NFIA: variants seen among roughly 807,000 people sequenced by gnomAD.
NFIA encodes the protein nuclear factor 1 A-type.
NFIA carries 8 observed loss-of-function variants against 62.8 expected under a neutral mutation model. That is an observed-to-expected ratio of 0.13 (90% CI 0.07 to 0.23). NFIA has a LOEUF of 0.23. Ranked by LOEUF, NFIA falls within the 10% of genes least tolerant of loss-of-function variation. The pLI, the probability that NFIA is intolerant of heterozygous loss-of-function variation, is 1.00. For synonymous variants in NFIA, 235 were observed against 238.1 expected (o/e 0.99, Z 0.12); for missense variants, 410 against 642.1 (o/e 0.64, Z 3.91).
intron 6 of NFIA, among the ~76,000 whole-genome samples, chr1:61,365,917 A>G (rs1048544193): frequency 8.5e-5 from 13 of 152,324 alleles, no homozygotes; most frequent in African/African-American, 3.1e-4. Flanking sequence ...TTGAAAGCAG[A>G]CAGGGTTAAG....
At chr1:61,214,438 G>C (rs1055363981) in intron 2 of NFIA, among the ~76,000 whole-genome samples, 3 of 152,110 alleles carry the variant, frequency 2.0e-5, no homozygotes, top group African/African-American at 7.2e-5. Flanking sequence ...GCTGATGGAA[G>C]TTAAAAGTTG....
At chr1:61,110,479 A>G (rs1646677373) in intron 2 of NFIA, among the ~76,000 whole-genome samples, 1 of 151,968 alleles carries the variant, frequency 6.6e-6, no homozygotes, top group African/African-American at 2.4e-5. Context: ...ATATACACAC[A>G]CACGTATCAG....
chr1:61,112,661 A>G (rs1051418183), intron 2 of NFIA, among the ~76,000 whole-genome samples: 2 of 152,212 alleles, frequency 1.3e-5, no homozygotes, highest in African/African-American at 2.4e-5. Flanking sequence ...TTTAATGGCC[A>G]CCCAATTGCC....
intron 2 of NFIA, among the ~76,000 whole-genome samples, chr1:61,186,715 T>C (rs1481186044): frequency 6.6e-6 from 1 of 152,206 alleles, no homozygotes; most frequent in Non-Finnish European, 1.5e-5. Context: ...AATAATAAAA[T>C]AATAGCAACG....
intron 10 of NFIA, among the ~76,000 whole-genome samples, chr1:61,439,816 G>A (rs553014809): frequency 1.3e-5 from 2 of 152,340 alleles, no homozygotes; most frequent in East Asian, 3.9e-4. Flanking sequence ...AATAGACTTA[G>A]TGGAGGCCAG....
chr1:61,222,398 A>G (rs1319688054), intron 2 of NFIA, among the ~76,000 whole-genome samples: 2 of 152,080 alleles, frequency 1.3e-5, no homozygotes, highest in African/African-American at 2.4e-5. Flanking sequence ...CCTCATTAGC[A>G]TATTTTCAAC....
intron 3 of NFIA, among the ~76,000 whole-genome samples, chr1:61,328,233 T>C (rs1458106000): frequency 6.6e-6 from 1 of 152,114 alleles, no homozygotes; most frequent in Non-Finnish European, 1.5e-5. Context: ...TTTGTCTCAG[T>C]GTCTCCAACA....
At chr1:61,431,312 A>G (rs1667088806) in intron 10 of NFIA, among the ~76,000 whole-genome samples, 1 of 152,252 alleles carries the variant, frequency 6.6e-6, no homozygotes, top group Non-Finnish European at 1.5e-5. Context: ...CAAAGAACTC[A>G]TTTTGATACA....
rs1174337731 is a variant in NFIA, at chr1:61,462,386, C to G, written c.*7066C>G. ...ATGGAAATCTGTCCACTCGGAATAC[C>G]TCTGTTTTCCATTTCAAATTGTAGG... On this transcript the variant is annotated 3_prime_UTR_variant, in exon 11 of 11. Transcript: ENST00000403491. The G allele has an allele frequency of 6.6e-6, 1 of 152,216 alleles. No individual in the cohort carries two copies. The allele number at this position is 152,216 out of a possible 1,614,324, so 9.4% of individuals were successfully genotyped here. A position where few individuals can be genotyped will look rare whatever the true frequency, so the allele number is the denominator to read the frequency against.
At chr1:61,255,967 A>G (rs1274481371) in intron 2 of NFIA, among the ~76,000 whole-genome samples, 2 of 152,166 alleles carry the variant, frequency 1.3e-5, no homozygotes, top group Non-Finnish European at 2.9e-5. Context: ...GCTCACTAGG[A>G]AGTATTTCTA....
intron 2 of NFIA, among the ~76,000 whole-genome samples, chr1:61,231,151 A>G (rs1056266277): frequency 7.9e-5 from 12 of 152,262 alleles, no homozygotes; most frequent in African/African-American, 2.6e-4. Flanking sequence ...ATTTTTAACA[A>G]ATTTGATACT....
intron 3 of NFIA, among the ~76,000 whole-genome samples, chr1:61,327,375 C>T (rs1661003723): frequency 1.3e-5 from 2 of 151,666 alleles, no homozygotes; most frequent in African/African-American, 4.8e-5. Flanking sequence ...AACTTGTACC[C>T]AATATGTAGG....
chr1:61,229,046 C>T (rs912844796), intron 2 of NFIA, among the ~76,000 whole-genome samples: 2 of 151,328 alleles, frequency 1.3e-5, no homozygotes, highest in Admixed American at 1.3e-4. Context: ...AAAAAATACA[C>T]AAATTATTGT....
intron 4 of NFIA, among the ~76,000 whole-genome samples, chr1:61,335,714 C>T (rs1297102035): frequency 6.6e-6 from 1 of 151,882 alleles, no homozygotes; most frequent in Non-Finnish European, 1.5e-5. Flanking sequence ...TGGTGTCGGG[C>T]GCCTGTAATC....
intron 10 of NFIA, among the ~76,000 whole-genome samples, chr1:61,435,947 T>C (rs1288401521): frequency 6.6e-6 from 1 of 152,134 alleles, no homozygotes; most frequent in East Asian, 1.9e-4. Context: ...ACACTCCCTA[T>C]GTGTTTAGGA....
At chr1:61,184,994 T>G (rs1651057704) in intron 2 of NFIA, among the ~76,000 whole-genome samples, 1 of 152,248 alleles carries the variant, frequency 6.6e-6, no homozygotes, top group African/African-American at 2.4e-5. Flanking sequence ...GCTGGACTGC[T>G]TAACGTTAAT....
At chr1:61,260,312 G>A (rs908661759) in intron 2 of NFIA, among the ~76,000 whole-genome samples, 1 of 152,144 alleles carries the variant, frequency 6.6e-6, no homozygotes, top group Non-Finnish European at 1.5e-5. Flanking sequence ...GTGAGCAGGC[G>A]CCAGAGACTA....
At chr1:61,409,533 TCTCCCATGC>T (rs1403659301) in intron 9 of NFIA, among the ~76,000 whole-genome samples, 6 of 152,156 alleles carry the variant, frequency 3.9e-5, no homozygotes, top group African/African-American at 1.4e-4. Context: ...TAAAATATCG[TCTCCCATGC>T]CCTGATTTCT....
At chr1:61,282,565 A>T (rs553450427) in intron 3 of NFIA, among the ~76,000 whole-genome samples, 1 of 152,290 alleles carries the variant, frequency 6.6e-6, no homozygotes, top group East Asian at 1.9e-4. Flanking sequence ...AGCTCATGTG[A>T]TAGCCTTCTT....
Sources: allele counts gnomAD v4.1 joint callset (sites outside exome capture counted in the v4.1 genomes callset), GRCh38; gene constraint gnomAD v4.1.1; transcripts MANE v1.5; gene names NCBI Gene and HGNC (gene_info 2026-07-23, HGNC 2026-07-21).